Variants in CLEC16A observed in about 807,000 individuals in gnomAD.
CLEC16A encodes the protein protein CLEC16A.
Under a neutral mutation model 109.5 loss-of-function variants are expected in CLEC16A, and 51 were observed. That is an observed-to-expected ratio of 0.47 (90% CI 0.37 to 0.59). The LOEUF is 0.59. CLEC16A is among the 20% of genes least tolerant of loss of function. The probability of loss-of-function intolerance (pLI) is 0.00; values close to 1 mark genes in which losing one functional copy is unlikely to be tolerated. For missense variants in CLEC16A, 1,339 were observed against 1,394.0 expected (o/e 0.96, Z 0.63); for synonymous variants, 673 against 564.2 (o/e 1.19, Z -2.73).
chr16:11,024,849 C>A lies in CLEC16A; in HGVS notation c.1465C>A (p.Leu489Met), dbSNP rs1459928423. Residue 489 changes from leucine (L) to methionine (M), a missense_variant, in exon 13 of 24, where the codon CTG (leucine) becomes ATG (methionine). Leu to Met is a conservative substitution (Grantham distance 15). This residue lies in a region of CLEC16A where 1,061 missense variants were observed against 1,006.8 expected (regional missense o/e 1.05). Transcript: ENST00000409790. ...CTTCCTGGATATGGTGTACCACGCG[C>A]TGGACAGCCCGGATGATGATTACCA... ...RPFLDMVYHALDSPDDDYHAL... is the reference protein window; with the variant it reads ...RPFLDMVYHAMDSPDDDYHAL... The A allele has an allele frequency of 1.2e-6, 2 of 1,607,704 alleles. No individual in the cohort carries two copies. Among genetic ancestry groups the A allele is most frequent in the South Asian group, 1.1e-5 (1 of 89,334 alleles).
At chr16:11,098,330 A>T (rs556450088) in intron 19 of CLEC16A, among the ~76,000 whole-genome samples, 1 of 152,360 alleles carries the variant, frequency 6.6e-6, no homozygotes, top group African/African-American at 2.4e-5. Context: ...GTGCCTGTGC[A>T]CGCCGAGGAT....
intron 11 of CLEC16A, among the ~76,000 whole-genome samples, chr16:11,003,613 T>G (rs1350464893): frequency 6.6e-6 from 1 of 152,184 alleles, no homozygotes; most frequent in Non-Finnish European, 1.5e-5. Context: ...CATACAAGAA[T>G]TAAATGAGCG....
intron 22 of CLEC16A, among the ~76,000 whole-genome samples, chr16:11,129,053 G>T (rs1217834276): frequency 3.3e-5 from 5 of 152,164 alleles, no homozygotes; most frequent in African/African-American, 1.2e-4. Flanking sequence ...TGGCCTCTCA[G>T]ATGAAGTTCC....
At chr16:11,155,048 G>C (rs921216629) in intron 22 of CLEC16A, among the ~76,000 whole-genome samples, 2 of 152,262 alleles carry the variant, frequency 1.3e-5, no homozygotes, top group Admixed American at 1.3e-4. Context: ...AGCTGAGCCT[G>C]GCGAGGTCAA....
chr16:10,956,657 C>T (rs913177975), intron 1 of CLEC16A, among the ~76,000 whole-genome samples: 1 of 152,218 alleles, frequency 6.6e-6, no homozygotes, highest in East Asian at 1.9e-4. Context: ...TCAGGACTGG[C>T]CTCGGTGATT....
intron 22 of CLEC16A, among the ~76,000 whole-genome samples, chr16:11,133,458 G>A (rs2053363858): frequency 6.6e-6 from 1 of 152,092 alleles, no homozygotes; most frequent in Non-Finnish European, 1.5e-5. Flanking sequence ...GTGACCCAGA[G>A]CACTTAATAG....
At chr16:11,012,736 G>A (rs1210949473) in intron 11 of CLEC16A, among the ~76,000 whole-genome samples, 1 of 152,056 alleles carries the variant, frequency 6.6e-6, no homozygotes, top group Non-Finnish European at 1.5e-5. Context: ...TTTGCAAAGT[G>A]AAAAATCATA....
At chr16:11,168,485 G>C (rs2068367132) in intron 23 of CLEC16A, among the ~76,000 whole-genome samples, 1 of 152,224 alleles carries the variant, frequency 6.6e-6, no homozygotes, top group East Asian at 1.9e-4. Context: ...GACAGTAAAA[G>C]CCTGAGGCCC....
chr16:11,043,918 A>G (rs542027093), intron 15 of CLEC16A, 110 bp from the exon 16 acceptor site: 49 of 695,802 alleles, frequency 7.0e-5, no homozygotes, highest in Admixed American at 1.5e-4. Context: ...CATTAAGGAT[A>G]TTAGTCCAGA....
chr16:11,030,902 C>G (rs999460372), intron 13 of CLEC16A, among the ~76,000 whole-genome samples: 1 of 152,158 alleles, frequency 6.6e-6, no homozygotes, highest in Non-Finnish European at 1.5e-5. Context: ...GCCTCAGCCT[C>G]GAGAGTTCTT....
At chr16:11,130,222 AG>A (rs1324423460) in intron 22 of CLEC16A, among the ~76,000 whole-genome samples, 2 of 152,114 alleles carry the variant, frequency 1.3e-5, no homozygotes, top group Non-Finnish European at 2.9e-5. Context: ...GCCCCCACTT[AG>A]TATCGTTGAG....
chr16:11,019,364 T>C (rs1202610921), intron 11 of CLEC16A, among the ~76,000 whole-genome samples: 1 of 152,196 alleles, frequency 6.6e-6, no homozygotes, highest in Non-Finnish European at 1.5e-5. Flanking sequence ...GTTACCCTTG[T>C]TTAATGGGGA....
In CLEC16A at chr16:11,035,436, A is replaced by T. The variant is rs142189208; in HGVS notation, c.1538-4318A>T. Among the ~76,000 whole-genome samples, 229 of 152,350 alleles carry T rather than the reference A, an allele frequency of 1.5e-3. 3 individuals are homozygous for T. The highest frequency in any genetic ancestry group is 5.2e-3 in the African/African-American group (217 of 41,590). On this transcript the variant is annotated intron_variant, in intron 13 of 23. Transcript: ENST00000409790. ...TGTGCCAAGAACACCACTAGATCACATGACATACATAGCTTGGGAAGGTGG... is the reference window on the plus strand; with the variant it reads ...TGTGCCAAGAACACCACTAGATCACTTGACATACATAGCTTGGGAAGGTGG...
intron 19 of CLEC16A, among the ~76,000 whole-genome samples, chr16:11,109,798 C>T (rs1303907099): frequency 6.6e-6 from 1 of 152,204 alleles, no homozygotes; most frequent in Non-Finnish European, 1.5e-5. Context: ...TCAGCCCCTC[C>T]TGACCTCTGA....
intron 11 of CLEC16A, among the ~76,000 whole-genome samples, chr16:11,012,412 G>A (rs917461840): frequency 9.2e-5 from 14 of 151,900 alleles, no homozygotes; most frequent in Non-Finnish European, 1.6e-4. Context: ...TGGCTAATAC[G>A]GTGAAACCCT....
chr16:11,102,501 A>G (rs546877405), intron 19 of CLEC16A, among the ~76,000 whole-genome samples: 4 of 152,328 alleles, frequency 2.6e-5, no homozygotes, highest in African/African-American at 9.6e-5. Context: ...GTAAGCATTC[A>G]CTCTGTGAAC....
Position 11,178,644 on chromosome 16 carries a change from G to A in CLEC16A, c.3116G>A (p.Gly1039Asp), listed in dbSNP as rs200722032. The change falls in exon 24 of 24, where the codon GGC becomes GAC. Residue 1039 changes from glycine to aspartate, a missense_variant. Transcript: ENST00000409790. This position sits in a 1 kb window ranked among gnomAD's most constrained non-coding sequence, Gnocchi z 6.5. ...TPAAACTEPV[G>D]EEAACAEPVG... ...GCTGCCGCCTGCACAGAGCCCGTGG[G>A]CGAAGAGGCTGCATGTGCTGAGCCT... The A allele has an allele frequency of 7.6e-6, 12 of 1,575,840 alleles. No homozygotes were observed. Among genetic ancestry groups the A allele is most frequent in the Non-Finnish European group, 1.0e-5 (12 of 1,166,088 alleles).
intron 22 of CLEC16A, among the ~76,000 whole-genome samples, chr16:11,163,580 G>T (rs1270435094): frequency 3.9e-5 from 6 of 152,136 alleles, no homozygotes; most frequent in African/African-American, 1.4e-4. Flanking sequence ...AAGAATTTAA[G>T]CATCCTGACT....
chr16:10,982,793 A>G, intron 9 of CLEC16A, 85 bp from the exon 10 acceptor site: 1 of 756,590 alleles, frequency 1.3e-6, no homozygotes, highest in Non-Finnish European at 2.3e-6. Context: ...TAGGTAGCCC[A>G]GCCTGGTCGC....
Sources: gnomAD v4.1 joint callset for allele counts (sites outside exome capture counted in the v4.1 genomes callset) on GRCh38, gnomAD v4.1.1 for gene constraint, gnomAD v4.1.1 regional missense constraint, Gnocchi (gnomAD v3.1) non-coding constraint, MANE v1.5 for transcripts, NCBI Gene and HGNC (gene_info 2026-07-23, HGNC 2026-07-21) for gene names.